The following GAREM1 variants were observed in gnomAD, a reference collection of about 807,000 sequenced individuals.
The protein encoded by GAREM1 is GRB2-associated and regulator of MAPK protein 1.
GAREM1 carries 26 observed loss-of-function variants against 71.3 expected under a neutral mutation model. The ratio of observed to expected loss-of-function variants is 0.36; its 90% CI spans 0.27 to 0.51. GAREM1 has a LOEUF of 0.51. GAREM1 is among the 20% of genes least tolerant of loss of function. GAREM1 has a pLI of 0.95. For synonymous variants in GAREM1, 440 were observed against 433.2 expected (o/e 1.02, Z -0.20); for missense variants, 1,026 against 1,103.1 (o/e 0.93, Z 0.99).
intron 1 of GAREM1, among the ~76,000 whole-genome samples, chr18:32,407,426 T>C (rs1023334601): frequency 2.0e-5 from 3 of 152,168 alleles, no homozygotes; most frequent in Admixed American, 2.0e-4. Context: ...AGAGTGAAAC[T>C]CTGTCTCAAA....
chr18:32,452,853 G>GT (rs34771430), intron 1 of GAREM1, among the ~76,000 whole-genome samples: 39,639 of 147,072 alleles, frequency 0.27, 5,924 homozygotes, highest in Non-Finnish European at 0.34. Context: ...TAACTTCTAC[G>GT]TTTTTTTTTT....
At chr18:32,369,978 G>A (rs189155393) in intron 2 of GAREM1, among the ~76,000 whole-genome samples, 1 of 152,346 alleles carries the variant, frequency 6.6e-6, no homozygotes, top group African/African-American at 2.4e-5. Context: ...AGAGCTGTAA[G>A]CTGCTACACG....
chr18:32,419,238 G>A (rs1276902505), intron 1 of GAREM1, among the ~76,000 whole-genome samples: 1 of 152,080 alleles, frequency 6.6e-6, no homozygotes, highest in Non-Finnish European at 1.5e-5. Context: ...ACCAACTAGG[G>A]AAATCTCTTC....
chr18:32,377,603 G>A (rs371643220), intron 2 of GAREM1, among the ~76,000 whole-genome samples: 85 of 152,232 alleles, frequency 5.6e-4, no homozygotes, highest in Admixed American at 3.0e-3. Context: ...TCGTTCTGTC[G>A]CCCAGGCTGG....
chr18:32,322,706 G>T (rs148357658), intron 2 of GAREM1, among the ~76,000 whole-genome samples: 1 of 152,178 alleles, frequency 6.6e-6, no homozygotes, highest in Admixed American at 6.5e-5. Flanking sequence ...CCTAATAAAT[G>T]ATGGCTGAAT....
intron 2 of GAREM1, among the ~76,000 whole-genome samples, chr18:32,325,479 A>G (rs1272902995): frequency 2.0e-5 from 3 of 152,192 alleles, no homozygotes; most frequent in Admixed American, 6.5e-5. Context: ...AAAGGAGTAC[A>G]TGGGAAATCT....
chr18:32,377,130 C>G (rs2048038085), intron 2 of GAREM1, among the ~76,000 whole-genome samples: 1 of 152,136 alleles, frequency 6.6e-6, no homozygotes, highest in Admixed American at 6.5e-5. Flanking sequence ...GACAATGAAC[C>G]TCCTCTTTAC....
chr18:32,430,862 T>C (rs576413288), intron 1 of GAREM1, among the ~76,000 whole-genome samples: 6 of 152,292 alleles, frequency 3.9e-5, no homozygotes, highest in East Asian at 1.9e-4. Flanking sequence ...GTAAATGCAA[T>C]TGTGGGGAGT....
At chr18:32,328,713 C>T (rs888697313) in intron 2 of GAREM1, among the ~76,000 whole-genome samples, 1 of 152,094 alleles carries the variant, frequency 6.6e-6, no homozygotes, top group African/African-American at 2.4e-5. Flanking sequence ...AAAACTGGCT[C>T]ATTATATGGA....
chr18:32,423,207 A>G (rs2144243690), intron 1 of GAREM1, among the ~76,000 whole-genome samples: 1 of 152,352 alleles, frequency 6.6e-6, no homozygotes, highest in South Asian at 2.1e-4. Context: ...GCTTGCAGGC[A>G]GTTTTCTCAT....
chr18:32,274,777 C>G (rs2041515432), intron 4 of GAREM1, among the ~76,000 whole-genome samples: 1 of 152,152 alleles, frequency 6.6e-6, no homozygotes, highest in Non-Finnish European at 1.5e-5. Context: ...ACATTACACA[C>G]TCTGTGTGCC....
chr18:32,370,192 G>T (rs557396427), intron 2 of GAREM1, among the ~76,000 whole-genome samples: 4 of 152,108 alleles, frequency 2.6e-5, no homozygotes, highest in Non-Finnish European at 5.9e-5. Flanking sequence ...CAGCACTTTG[G>T]GGGGCCGAGG....
At chr18:32,364,012 A>ATTTT (rs2047897309) in intron 2 of GAREM1, among the ~76,000 whole-genome samples, 1 of 51,434 alleles carries the variant, frequency 1.9e-5, no homozygotes, top group African/African-American at 1.1e-4. Context: ...ATATATATAT[A>ATTTT]TATATATATA....
chr18:32,388,334 GT>G (rs1181207082), intron 2 of GAREM1, among the ~76,000 whole-genome samples: 2 of 152,148 alleles, frequency 1.3e-5, no homozygotes, highest in Non-Finnish European at 2.9e-5. Context: ...GTGGAGTTAA[GT>G]TAGAAAAGAA....
chr18:32,270,324 A>C lies in GAREM1; in HGVS notation c.1626T>G (p.Pro542=). 1 of 1,614,034 alleles carries C rather than the reference A, an allele frequency of 6.2e-7. No homozygotes were observed. Among genetic ancestry groups the C allele is most frequent in the Non-Finnish European group, 8.5e-7 (1 of 1,179,986 alleles). Residue 542 remains proline (P), a synonymous_variant, in exon 5 of 6, where the codon CCT becomes CCG. Coordinates refer to ENST00000269209, the MANE Select transcript of GAREM1 (RefSeq NM_001242409.2). Reference sequence around the variant, plus strand: ...GAGGGATGGAGGGACTGGTGGACAAAGGCTTTGCGCTTCGGGGTGGAACAG... The same window carrying C: ...GAGGGATGGAGGGACTGGTGGACAACGGCTTTGCGCTTCGGGGTGGAACAG... ...APPVPPRSAK[P]LSTSPSIPPR...
At chr18:32,304,975 G>A (rs2047238698) in intron 3 of GAREM1, among the ~76,000 whole-genome samples, 1 of 152,080 alleles carries the variant, frequency 6.6e-6, no homozygotes, top group African/African-American at 2.4e-5. Flanking sequence ...TCTGACTTTG[G>A]AAGCAAACAT....
intron 1 of GAREM1, among the ~76,000 whole-genome samples, chr18:32,460,832 T>C (rs1346643996): frequency 6.6e-6 from 1 of 152,148 alleles, no homozygotes; most frequent in East Asian, 1.9e-4. Context: ...TCAGGAGTCA[T>C]ATGAAGAGCA....
intron 2 of GAREM1, chr18:32,331,453 T>G (rs2047534439): frequency 6.6e-6 from 1 of 152,204 alleles, no homozygotes; most frequent in Non-Finnish European, 1.5e-5. Context: ...GTGGGCAAAA[T>G]AGTGGACTTA....
At chr18:32,297,857 CAG>C (rs1218293843) in intron 3 of GAREM1, among the ~76,000 whole-genome samples, 3 of 152,172 alleles carry the variant, frequency 2.0e-5, no homozygotes, top group Non-Finnish European at 4.4e-5. Flanking sequence ...AAGATGCAGA[CAG>C]GGATCCGGAA....
Sources: gnomAD v4.1 joint callset for allele counts (sites outside exome capture counted in the v4.1 genomes callset) on GRCh38, gnomAD v4.1.1 for gene constraint, MANE v1.5 for transcripts, NCBI Gene and HGNC (gene_info 2026-07-23, HGNC 2026-07-21) for gene names.